The following ACCSL variants were observed in gnomAD, a reference collection of about 807,000 sequenced individuals.
ACCSL encodes 1-aminocyclopropane-1-carboxylate synthase homolog (inactive) like.
In ACCSL, 55 loss-of-function variants were observed where a neutral mutation model predicts 61.7. That is an observed-to-expected ratio of 0.89 (90% CI 0.72 to 1.12). The LOEUF (loss-of-function observed/expected upper bound fraction) is 1.12, where lower values mean the gene tolerates loss of function less well. ACCSL is among the 50% of genes most tolerant of loss of function. The probability of loss-of-function intolerance (pLI) is 0.00; values close to 1 mark genes in which losing one functional copy is unlikely to be tolerated. For synonymous variants in ACCSL, 258 were observed against 264.3 expected, an observed-to-expected ratio of 0.98 and a Z score of 0.23; for missense variants, 632 against 698.0, an observed-to-expected ratio of 0.91 and a Z score of 1.07.
the ACCSL span, among the ~76,000 whole-genome samples, chr11:43,941,027 TGTATG>T: frequency 1.3e-5 from 2 of 152,126 alleles, no homozygotes; most frequent in East Asian, 1.9e-4. Flanking sequence ...CGATAAGAAA[TGTATG>T]GTATTTGTTA....
At chr11:43,947,246 G>A in the ACCSL span, 1 of 152,230 alleles carries the variant, frequency 6.6e-6, no homozygotes, top group Non-Finnish European at 1.5e-5. Context: ...CATTGCCGTG[G>A]GGAGGGCACT....
chr11:43,964,031 A>T, the ACCSL span, among the ~76,000 whole-genome samples: 1 of 151,902 alleles, frequency 6.6e-6, no homozygotes, highest in Non-Finnish European at 1.5e-5. Context: ...TGCACACAGT[A>T]TAGAGTTGGA....
At chr11:44,005,734 G>A in the ACCSL span, among the ~76,000 whole-genome samples, 1 of 152,108 alleles carries the variant, frequency 6.6e-6, no homozygotes. Flanking sequence ...CTACCCCCAG[G>A]TAAAGCTGTG....
At chr11:44,058,931 G>A (rs1236601279) in intron 13 of ACCSL, among the ~76,000 whole-genome samples, 1 of 152,018 alleles carries the variant, frequency 6.6e-6, no homozygotes, top group Non-Finnish European at 1.5e-5. Context: ...GTGAGGCATT[G>A]GGACCACAAG....
chr11:43,998,173 G>A, the ACCSL span, among the ~76,000 whole-genome samples: 1 of 152,204 alleles, frequency 6.6e-6, no homozygotes, highest in African/African-American at 2.4e-5. Context: ...GAGACAAGGT[G>A]TGTAAAGCGT....
chr11:43,990,118 C>G, the ACCSL span, among the ~76,000 whole-genome samples: 1 of 152,218 alleles, frequency 6.6e-6, no homozygotes, highest in African/African-American at 2.4e-5. Flanking sequence ...TCTGTAACCT[C>G]TCACCTCTCT....
At chr11:44,006,318 G>A in the ACCSL span, among the ~76,000 whole-genome samples, 3 of 152,154 alleles carry the variant, frequency 2.0e-5, no homozygotes, top group African/African-American at 7.2e-5. Flanking sequence ...GGAGGAGCTG[G>A]CTTGGATGTA....
At chr11:43,955,706 C>A in the ACCSL span, among the ~76,000 whole-genome samples, 1 of 152,046 alleles carries the variant, frequency 6.6e-6, no homozygotes, top group Non-Finnish European at 1.5e-5. Context: ...AAAGGCCAAT[C>A]TTTGGTTTTA....
chr11:44,052,930 G>C, intron 6 of ACCSL, 61 bp from the exon 7 acceptor site: 1 of 1,550,494 alleles, frequency 6.4e-7, no homozygotes, highest in South Asian at 1.1e-5. Flanking sequence ...GGGGCTTATG[G>C]GAATGAGGAA....
the ACCSL span, among the ~76,000 whole-genome samples, chr11:44,002,362 C>T: frequency 2.0e-5 from 3 of 152,164 alleles, no homozygotes; most frequent in South Asian, 2.1e-4. Flanking sequence ...ATCTGGACCC[C>T]CAGGAATGAC....
the ACCSL span, among the ~76,000 whole-genome samples, chr11:43,954,776 G>A: frequency 6.6e-6 from 1 of 151,972 alleles, no homozygotes; most frequent in African/African-American, 2.4e-5. Context: ...GTAGAGACGG[G>A]GTTTCTCCAC....
chr11:44,029,029 G>A, the ACCSL span, among the ~76,000 whole-genome samples: 2 of 152,204 alleles, frequency 1.3e-5, no homozygotes, highest in African/African-American at 4.8e-5. Flanking sequence ...ATCATGCTGA[G>A]CACACTGTCA....
the ACCSL span, among the ~76,000 whole-genome samples, chr11:43,941,193 T>C: frequency 8.3e-4 from 126 of 152,328 alleles, no homozygotes; most frequent in Non-Finnish European, 1.5e-3. Flanking sequence ...CAGCCTTTCC[T>C]GGTCCCGTGC....
the ACCSL span, among the ~76,000 whole-genome samples, chr11:44,030,552 G>C: frequency 1.4e-5 from 2 of 145,850 alleles, no homozygotes; most frequent in African/African-American, 4.9e-5. Flanking sequence ...CATGGGGAAA[G>C]AATCCAGGGG....
chr11:43,981,351 T>TCAGAGAAGGCCCCAGG, the ACCSL span, among the ~76,000 whole-genome samples: 3 of 151,946 alleles, frequency 2.0e-5, no homozygotes, highest in Non-Finnish European at 2.9e-5. Flanking sequence ...TTCCTAGCAG[T>TCAGAGAAGGCCCCAGG]CAGAGAAGGC....
At chr11:44,023,041 C>CTTTTTTTT in the ACCSL span, among the ~76,000 whole-genome samples, 74 of 86,390 alleles carry the variant, frequency 8.6e-4, no homozygotes, top group Non-Finnish European at 1.0e-3. Flanking sequence ...TCTTCTTCTT[C>CTTTTTTTT]TTTTTTTTTT....
At chr11:44,050,723 A>G in intron 3 of ACCSL, 101 bp downstream of exon 3, 1 of 1,066,904 alleles carries the variant, frequency 9.4e-7, no homozygotes, top group Admixed American at 2.1e-5. Context: ...TTACCTCCCT[A>G]TCTCTTTGGG....
the ACCSL span, among the ~76,000 whole-genome samples, chr11:43,989,603 C>T: frequency 6.6e-6 from 1 of 152,206 alleles, no homozygotes; most frequent in Non-Finnish European, 1.5e-5. Flanking sequence ...CCATAAATCC[C>T]CATATCCTGG....
At chr11:44,046,433 A>G (rs776849831), upstream of ACCSL, among the ~76,000 whole-genome samples, 8 of 152,214 alleles carry the variant, frequency 5.3e-5, no homozygotes, top group Non-Finnish European at 8.8e-5. Flanking sequence ...CTACTCATTA[A>G]CTATGTTAGT....
Sources: allele counts gnomAD v4.1 joint callset (sites outside exome capture counted in the v4.1 genomes callset), GRCh38; gene constraint gnomAD v4.1.1; transcripts MANE v1.5; gene names NCBI Gene and HGNC (gene_info 2026-07-23, HGNC 2026-07-21).